RUVBL1: variants seen among roughly 807,000 people sequenced by gnomAD.
RUVBL1 encodes the protein RuvB like AAA ATPase 1.
Under a neutral mutation model 52.4 loss-of-function variants are expected in RUVBL1, and 4 were observed. The observed-to-expected ratio is 0.08, with a 90% CI of 0.04 to 0.17. The LOEUF (loss-of-function observed/expected upper bound fraction) is 0.17. Among genes scored for constraint, RUVBL1 ranks in the 10% least tolerant of loss-of-function variants. The probability of loss-of-function intolerance (pLI) is 1.00; values close to 1 mark genes in which losing one functional copy is unlikely to be tolerated. For synonymous variants in RUVBL1, 217 were observed against 214.4 expected (o/e 1.01, Z -0.10); for missense variants, 298 against 572.8 (o/e 0.52, Z 4.90).
chr3:128,072,623 C>T (rs1394264632), intron 9 of RUVBL1, among the ~76,000 whole-genome samples: 1 of 152,198 alleles, frequency 6.6e-6, no homozygotes, highest in Non-Finnish European at 1.5e-5. Context: ...TCAGGGAGGC[C>T]CTGGACAGGA....
At chr3:128,069,507 C>CTGTG in intron 9 of RUVBL1, 1 of 1,613,304 alleles carries the variant, frequency 6.2e-7, no homozygotes. Context: ...CTTTGGTGGG[C>CTGTG]TGTGCATCGG....
intron 1 of RUVBL1, among the ~76,000 whole-genome samples, chr3:128,134,628 A>G (rs1943924914): frequency 7.2e-6 from 1 of 139,516 alleles, no homozygotes; most frequent in African/African-American, 2.7e-5. Context: ...CTCTACAAAA[A>G]ATAAAAATAA....
At chr3:128,140,694 A>G (rs1559836859) in intron 1 of RUVBL1, among the ~76,000 whole-genome samples, 1 of 152,206 alleles carries the variant, frequency 6.6e-6, no homozygotes, top group Non-Finnish European at 1.5e-5. Context: ...CAGACCACAT[A>G]TAAGATAGTG....
chr3:128,086,285 C>T (rs767700843), intron 9 of RUVBL1, among the ~76,000 whole-genome samples: 2 of 152,344 alleles, frequency 1.3e-5, no homozygotes, highest in South Asian at 4.1e-4. Flanking sequence ...GTGTGAGTCA[C>T]CATGCCTGGG....
At chr3:128,118,314 T>G (rs1471937665) in intron 2 of RUVBL1, among the ~76,000 whole-genome samples, 1 of 152,210 alleles carries the variant, frequency 6.6e-6, no homozygotes, top group African/African-American at 2.4e-5. Context: ...TTCTTCCTCT[T>G]GTAAGATACC....
intron 8 of RUVBL1, among the ~76,000 whole-genome samples, chr3:128,095,183 G>C (rs1942940622): frequency 6.6e-6 from 1 of 152,242 alleles, no homozygotes; most frequent in Non-Finnish European, 1.5e-5. Context: ...CCACCTTTCT[G>C]TGCACCTTAG....
chr3:128,116,918 G>C (rs1943536084), intron 2 of RUVBL1, among the ~76,000 whole-genome samples: 1 of 152,068 alleles, frequency 6.6e-6, no homozygotes, highest in Non-Finnish European at 1.5e-5. Flanking sequence ...ACAAAAATTG[G>C]GGGAATATAA....
intron 9 of RUVBL1, among the ~76,000 whole-genome samples, chr3:128,073,558 GT>G (rs1942230359): frequency 1.3e-5 from 2 of 152,204 alleles, no homozygotes; most frequent in South Asian, 4.1e-4. Context: ...CCAATGCCTG[GT>G]TCTGGAGAGC....
intron 8 of RUVBL1, among the ~76,000 whole-genome samples, chr3:128,096,088 T>C (rs1367614744): frequency 6.6e-6 from 1 of 152,158 alleles, no homozygotes; most frequent in Non-Finnish European, 1.5e-5. Flanking sequence ...TCTTTCTAAC[T>C]CCCACTGCCT....
chr3:128,067,832 T>G lies in RUVBL1; in HGVS notation c.940-2612A>C, dbSNP rs2276867. 168,573 of 727,146 alleles carry G rather than the reference T, an allele frequency of 0.23. 20,446 individuals carry two copies. The highest frequency in any genetic ancestry group is 0.27 in the South Asian group (15,817 of 59,448). 45.0% of individuals were successfully genotyped at this position (727,146 alleles called of 1,614,324 possible). On this transcript the variant is annotated intron_variant, in intron 9 of 9. Transcript: ENST00000464873. This position sits in a 1 kb window ranked among gnomAD's most constrained non-coding sequence, Gnocchi z 4.1. ...AATCCACACTGTAAAGTTAGACTTTTTCATATGACTTCCTTGCGGCAGTTT... is the reference window on the plus strand; with the variant it reads ...AATCCACACTGTAAAGTTAGACTTTGTCATATGACTTCCTTGCGGCAGTTT...
chr3:128,067,494 C>T lies in RUVBL1; in HGVS notation c.940-2274G>A, dbSNP rs768779135. ...TGCTATTACCTGTCCCCTCCAGAAT[C>T]TTTTGGCTCCGTGTTAGAAGACCCG... On this transcript the variant is annotated intron_variant, in intron 9 of 9. Transcript: ENST00000464873. The surrounding 1 kb of genome is among the most constrained non-coding windows in gnomAD (Gnocchi z 4.1). The T allele has an allele frequency of 1.2e-6, 2 of 1,614,214 alleles. No homozygotes were observed. Among genetic ancestry groups the T allele is most frequent in the Non-Finnish European group, 1.7e-6 (2 of 1,180,034 alleles).
intron 9 of RUVBL1, chr3:128,085,103 T>G (rs1942604937): frequency 6.6e-6 from 1 of 152,232 alleles, no homozygotes. Context: ...AGCTGTTGTA[T>G]GTTGTACGTA....
At chr3:128,137,996 A>G (rs896285767) in intron 1 of RUVBL1, among the ~76,000 whole-genome samples, 2 of 152,038 alleles carry the variant, frequency 1.3e-5, no homozygotes, top group Non-Finnish European at 1.5e-5. Flanking sequence ...TCAATATCCT[A>G]CTATAGTAAA....
chr3:128,105,194 C>T (rs1486269710), intron 3 of RUVBL1, among the ~76,000 whole-genome samples: 1 of 150,626 alleles, frequency 6.6e-6, no homozygotes, highest in East Asian at 2.0e-4. Context: ...CTCACTGCAA[C>T]CTCTGCCTCC....
At chr3:128,087,879 C>G (rs757588192) in intron 8 of RUVBL1, 71 bp from the exon 9 acceptor site, 1 of 1,071,762 alleles carries the variant, frequency 9.3e-7, no homozygotes. Context: ...AAATACAGAT[C>G]CAACACTCAC....
At chr3:128,068,437 G>C (rs1942050186) in intron 9 of RUVBL1, among the ~76,000 whole-genome samples, 1 of 152,226 alleles carries the variant, frequency 6.6e-6, no homozygotes, top group Admixed American at 6.5e-5. Flanking sequence ...TCTGAGCTCA[G>C]AGCAGGCAGG....
intron 9 of RUVBL1, among the ~76,000 whole-genome samples, chr3:128,073,997 G>A (rs1177666628): frequency 6.6e-6 from 1 of 151,254 alleles, no homozygotes; most frequent in African/African-American, 2.4e-5. Context: ...TACCATTTGT[G>A]TTTAAAAGGG....
chr3:128,124,514 C>CCATG (rs1943751612), upstream of RUVBL1, among the ~76,000 whole-genome samples: 1 of 152,196 alleles, frequency 6.6e-6, no homozygotes, highest in African/African-American at 2.4e-5. Flanking sequence ...TCATCACGTC[C>CCATG]CATGACTCCA....
In RUVBL1 at chr3:128,067,729, CT is replaced by C; in HGVS notation, c.940-2510del. 3.5e-6 allele frequency: 3 copies of C among 845,670 alleles called. No individual in the cohort carries two copies. Among genetic ancestry groups the C allele is most frequent in the Non-Finnish European group, 5.5e-6 (3 of 544,694 alleles). The allele number at this position is 845,670 out of a possible 1,614,324, so 52.4% of individuals were successfully genotyped here. ...TGACGTGTGCAGATAGATCGTCGTC[CT>C]TTAGGGGGCAGTTCAGAAGCTTTAA... On this transcript the variant is annotated intron_variant, in intron 9 of 9. Transcript: ENST00000464873. This position sits in a 1 kb window ranked among gnomAD's most constrained non-coding sequence, Gnocchi z 4.1.
Sources: gnomAD v4.1 joint callset for allele counts (sites outside exome capture counted in the v4.1 genomes callset) on GRCh38, gnomAD v4.1.1 for gene constraint, Gnocchi (gnomAD v3.1) non-coding constraint, MANE v1.5 for transcripts, NCBI Gene and HGNC (gene_info 2026-07-23, HGNC 2026-07-21) for gene names.